Variants in PHPT1 observed in about 807,000 individuals in gnomAD.
The protein encoded by PHPT1 is 14 kDa phosphohistidine phosphatase.
In PHPT1, 16 loss-of-function variants were observed where a neutral mutation model predicts 15.6. That is an observed-to-expected ratio of 1.03 (90% CI 0.70 to 1.56). The LOEUF is 1.56. Among genes scored for constraint, PHPT1 ranks in the 40% most tolerant of loss-of-function variants. PHPT1 has a pLI of 0.00. For synonymous variants in PHPT1, 102 were observed against 68.1 expected, an observed-to-expected ratio of 1.50 and a Z score of -2.45; for missense variants, 228 against 171.0, an observed-to-expected ratio of 1.33 and a Z score of -1.86.
rs762923133 is a variant in PHPT1, at chr9:136,850,959, ACGTGCTGTCCAC to A, written c.*114_*125del. 2.4e-5 allele frequency: 20 copies of A among 835,744 alleles called. No individual in the cohort carries two copies. In the African/African-American group the frequency reaches 3.3e-4, roughly 14 times the overall value. The allele number at this position is 835,744 out of a possible 1,614,324, so 51.8% of individuals were successfully genotyped here. A position where few individuals can be genotyped will look rare whatever the true frequency, so the allele number is the denominator to read the frequency against. Reference sequence around the variant, plus strand: ...CCTGCTCCTGCGGCAGCCTCTGGTGACGTGCTGTCCACCAGGCCTTGGAGACAGGCTAGCCTG... The same window carrying A: ...CCTGCTCCTGCGGCAGCCTCTGGTGACAGGCCTTGGAGACAGGCTAGCCTG... On this transcript the variant is annotated 3_prime_UTR_variant, in exon 3 of 3. Coordinates refer to ENST00000247665, the MANE Select transcript of PHPT1 (RefSeq NM_014172.6).
chr9:136,850,127 GCTATTC>G lies in PHPT1; in HGVS notation c.277_282del (p.Tyr93_Ser94del). 1 of 1,613,144 alleles carries G rather than the reference GCTATTC, an allele frequency of 6.2e-7. No homozygotes were observed. The highest frequency in any genetic ancestry group is 8.5e-7 in the Non-Finnish European group (1 of 1,179,912). ...CAGGACAAGAAGATTCACGTGTACG[GCTATTC>G]CATGGTGAGCCGCAGCCCCGTCCCG... On this transcript the variant is annotated inframe_deletion, in exon 2 of 3. Transcript: ENST00000247665.
intron 1 of PHPT1, 109 bp from the exon 2 acceptor site, chr9:136,849,903 TG>T: frequency 1.7e-6 from 2 of 1,169,014 alleles, no homozygotes; most frequent in Non-Finnish European, 2.4e-6. Context: ...TCGTCTCTCC[TG>T]GGGAAGGGGC....
In PHPT1 at chr9:136,850,060, G is replaced by C. The variant is rs1848867714; in HGVS notation, c.208G>C (p.Asp70His). 6 of 1,613,052 alleles carry C rather than the reference G, an allele frequency of 3.7e-6. No homozygotes were observed. Among genetic ancestry groups the C allele is most frequent in the Non-Finnish European group, 5.1e-6 (6 of 1,179,884 alleles). ...VSGDMQKQGC[D>H]CECLGGGRIS... ...GGGCGACATGCAGAAGCAAGGCTGC[G>C]ACTGTGAGTGTCTGGGCGGCGGGCG... The change falls in exon 2 of 3, where the codon GAC (aspartate) becomes CAC (histidine). Residue 70 changes from aspartate to histidine, a missense_variant. Physicochemically the swap from Asp to His is moderately conservative, Grantham distance 81. Coordinates refer to ENST00000247665, the MANE Select transcript of PHPT1 (RefSeq NM_014172.6).
At chr9:136,850,634 C>T (rs1053784262) in intron 2 of PHPT1, 121 bp from the exon 3 acceptor site, 4 of 1,512,294 alleles carry the variant, frequency 2.6e-6, no homozygotes, top group African/African-American at 2.7e-5. Context: ...GTTTGGCATC[C>T]CCAGGCACTG....
At position 136,850,276 on chromosome 9, in the gene PHPT1, T is replaced by C. The variant is rs1452326627; in HGVS notation, c.285+139T>C. The C allele has an allele frequency of 7.1e-6, 8 of 1,122,026 alleles. No individual in the cohort carries two copies. The South Asian group carries it at 9.6e-5, about 13-fold the overall frequency. 69.5% of individuals were successfully genotyped at this position (1,122,026 alleles called of 1,614,324 possible). Reference sequence around the variant, plus strand: ...TCTCCCAGGGTCGGCGGCAGAGCCCTCCCTCCAGGGCCCATTGTGTTCCTG... The same window carrying C: ...TCTCCCAGGGTCGGCGGCAGAGCCCCCCCTCCAGGGCCCATTGTGTTCCTG... On this transcript the variant is annotated intron_variant, in intron 2 of 2. Transcript: ENST00000247665.
intron 2 of PHPT1, 33 bp from the exon 3 acceptor site, chr9:136,850,722 A>G (rs1288386997): frequency 6.4e-7 from 1 of 1,568,342 alleles, no homozygotes; most frequent in African/African-American, 1.4e-5. Flanking sequence ...TGAAGGGTCC[A>G]GGTAGTGCCA....
Position 136,850,827 on chromosome 9 carries a change from T to C in PHPT1, c.358T>C (p.Trp120Arg). The C allele has an allele frequency of 4.3e-6, 7 of 1,612,898 alleles. No homozygotes were observed. The highest frequency in any genetic ancestry group is 5.9e-6 in the Non-Finnish European group (7 of 1,179,760). The change falls in exon 3 of 3, where the codon TGG becomes CGG. Residue 120 changes from tryptophan (W) to arginine (R), a missense_variant. Trp to Arg is a moderately radical substitution (Grantham distance 101). Transcript: ENST00000247665. Reference protein sequence around the residue: ...KAKYPDYEVTWANDGY With the variant: ...KAKYPDYEVTRANDGY ...CAAGTACCCCGACTACGAGGTCACC[T>C]GGGCTAACGACGGCTACTGAGCACT...
chr9:136,849,598 C>T lies in PHPT1; in HGVS notation c.160+8C>T. The T allele has an allele frequency of 1.5e-6, 2 of 1,318,172 alleles. No homozygotes were observed. Among genetic ancestry groups the T allele is most frequent in the South Asian group, 1.2e-5 (1 of 80,468 alleles). The allele number at this position is 1,318,172 out of a possible 1,614,324, so 81.7% of individuals were successfully genotyped here. The stretch of plus-strand genomic sequence containing the variant: ...AGTGGGCTGAGTACCATGGTGAGGG[C>T]GGGACCTGCGGGCATGCCAGGGGCA... On this transcript the variant is annotated splice_region_variant and intron_variant, in intron 1 of 2. Transcript: ENST00000247665.
Position 136,850,872 on chromosome 9 carries a change from C to T in PHPT1, c.*25C>T, listed in dbSNP as rs1199826653. 2 of 1,547,384 alleles carry T rather than the reference C, an allele frequency of 1.3e-6. No individual in the cohort carries two copies. Among genetic ancestry groups the T allele is most frequent in the Non-Finnish European group, 1.8e-6 (2 of 1,120,706 alleles). On this transcript the variant is annotated 3_prime_UTR_variant, in exon 3 of 3. Coordinates refer to ENST00000247665, the MANE Select transcript of PHPT1 (RefSeq NM_014172.6). ...AGCACTCCCAGCCCGGGGCCTGCTG[C>T]CTCCAGCAGCCACTTCAGAGCCCCC...
At chr9:136,850,434 C>T (rs902437031) in intron 2 of PHPT1, 10 of 1,377,970 alleles carry the variant, frequency 7.3e-6, no homozygotes, top group South Asian at 1.2e-5. Context: ...GGGCCCTGGG[C>T]CCCCAGAGGC....
chr9:136,850,806 T>A lies in PHPT1; in HGVS notation c.337T>A (p.Tyr113Asn). 2 of 1,613,176 alleles carry A rather than the reference T, an allele frequency of 1.2e-6. No homozygotes were observed. Among genetic ancestry groups the A allele is most frequent in the Non-Finnish European group, 1.7e-6 (2 of 1,179,924 alleles). ...AISTEKIKAK[Y>N]PDYEVTWAND... ...TTCAACTGAGAAAATCAAAGCCAAG[T>A]ACCCCGACTACGAGGTCACCTGGGC... The change falls in exon 3 of 3, where the codon TAC becomes AAC. Residue 113 changes from tyrosine (Y) to asparagine (N), a missense_variant. Physicochemically the swap from Tyr to Asn is moderately radical, Grantham distance 143. Coordinates refer to ENST00000247665, the MANE Select transcript of PHPT1 (RefSeq NM_014172.6).
chr9:136,850,308 C>T lies in PHPT1; in HGVS notation c.285+171C>T. ...AGGGCCCATTGTGTTCCTGCATTCC[C>T]CCATGGAGCACACGCCAGACCTGAG... is the stretch of plus-strand genomic sequence containing the variant. On this transcript the variant is annotated intron_variant, in intron 2 of 2. Coordinates refer to ENST00000247665, the MANE Select transcript of PHPT1 (RefSeq NM_014172.6). The T allele has an allele frequency of 3.3e-6, 3 of 904,788 alleles. No homozygotes were observed. The South Asian group carries it at 4.7e-5, about 14-fold the overall frequency. 56.0% of individuals were successfully genotyped at this position (904,788 alleles called of 1,614,324 possible).
At position 136,850,471 on chromosome 9, in the gene PHPT1, T is replaced by A. The variant is rs1314999859; in HGVS notation, c.286-284T>A. 3.8e-6 allele frequency: 6 copies of A among 1,582,214 alleles called. No individual in the cohort carries two copies. The Admixed American group carries it at 8.5e-5, about 22-fold the overall frequency. ...GTCAGTACCTGGGTGGAGCTCAGAG[T>A]CCCCACCTGTGCTCTTCACAAAAAC... On this transcript the variant is annotated intron_variant, in intron 2 of 2. Coordinates refer to ENST00000247665, the MANE Select transcript of PHPT1 (RefSeq NM_014172.6).
chr9:136,849,850 A>C lies in PHPT1; in HGVS notation c.161-163A>C, dbSNP rs1588386610. On this transcript the variant is annotated intron_variant, in intron 1 of 2. Transcript: ENST00000247665. ...CAGTTCCCGCGCCCTCCCCGGTTCCACCCTCCTTCGCTCATTCATCCCTGT... is the reference window on the plus strand; with the variant it reads ...CAGTTCCCGCGCCCTCCCCGGTTCCCCCCTCCTTCGCTCATTCATCCCTGT... The C allele has an allele frequency of 3.7e-6, 3 of 820,556 alleles. No homozygotes were observed. In the South Asian group the frequency reaches 5.0e-5, roughly 14 times the overall value. 50.8% of individuals were successfully genotyped at this position (820,556 alleles called of 1,614,324 possible). A position where few individuals can be genotyped will look rare whatever the true frequency, so the allele number is the denominator to read the frequency against.
rs370271314 is a variant in PHPT1 at position 136,849,448 on chromosome 9, C to G, written c.18C>G (p.Leu6=). The change falls in exon 1 of 3, where the codon CTC becomes CTG. Residue 6 remains leucine, a synonymous_variant. Coordinates refer to ENST00000247665, the MANE Select transcript of PHPT1 (RefSeq NM_014172.6). Reference sequence around the variant, plus strand: ...GGAGGAACATGGCGGTGGCGGACCTCGCTCTCATTCCTGATGTGGACATCG... The same window carrying G: ...GGAGGAACATGGCGGTGGCGGACCTGGCTCTCATTCCTGATGTGGACATCG... MAVAD[L]ALIPDVDIDS... is the part of the protein sequence containing the mutation. 2.5e-5 allele frequency: 40 copies of G among 1,606,174 alleles called. No individual in the cohort carries two copies. In the East Asian group the frequency reaches 6.6e-4, roughly 26 times the overall value.
intron 2 of PHPT1, chr9:136,850,515 ACGTG>A (rs773682183): frequency 6.2e-7 from 1 of 1,612,018 alleles, no homozygotes; most frequent in East Asian, 2.2e-5. Flanking sequence ...GATGAGACCC[ACGTG>A]CGTCCCTCTG....
At chr9:136,849,676 CA>C in intron 1 of PHPT1, 86 bp downstream of exon 1, 1 of 201,716 alleles carries the variant, frequency 5.0e-6, no homozygotes, top group African/African-American at 5.7e-5. Flanking sequence ...GCTGACGAGG[CA>C]GGGGCGGGGC....
At position 136,849,519 on chromosome 9, in the gene PHPT1, C is replaced by T; in HGVS notation, c.89C>T (p.Ala30Val). ...FKYVLIRVHS[A>V]PRSGAPAAES... Reference sequence around the variant, plus strand: ...TATGTGCTGATCCGAGTCCACTCGGCTCCCCGCTCCGGGGCTCCGGCTGCA... The same window carrying T: ...TATGTGCTGATCCGAGTCCACTCGGTTCCCCGCTCCGGGGCTCCGGCTGCA... Residue 30 changes from alanine (A) to valine (V), a missense_variant, in exon 1 of 3, where the codon GCT becomes GTT. Physicochemically the swap from Ala to Val is moderately conservative, Grantham distance 64 (BLOSUM62 0). Transcript: ENST00000247665. The T allele has an allele frequency of 3.7e-6, 6 of 1,611,454 alleles. No individual in the cohort carries two copies. The highest frequency in any genetic ancestry group is 1.1e-5 in the South Asian group (1 of 90,902).
At chr9:136,849,642 C>T in intron 1 of PHPT1, 52 bp downstream of exon 1, 2 of 186,476 alleles carry the variant, frequency 1.1e-5, no homozygotes, top group South Asian at 5.1e-5. Flanking sequence ...GAGGCGGGGG[C>T]GGGGCTGGCG....
Sources: allele counts gnomAD v4.1 joint callset, GRCh38; gene constraint gnomAD v4.1.1; transcripts MANE v1.5; gene names NCBI Gene and HGNC (gene_info 2026-07-23, HGNC 2026-07-21).